Variants in PCDHA7 observed in about 807,000 individuals in gnomAD.
The protein encoded by PCDHA7 is protocadherin alpha 7, also known as protocadherin alpha-7.
PCDHA7 carries 37 observed loss-of-function variants against 57.2 expected under a neutral mutation model. The ratio of observed to expected loss-of-function variants is 0.65; its 90% CI spans 0.50 to 0.85. The LOEUF is 0.85. PCDHA7 is among the 40% of genes least tolerant of loss of function. The pLI is 0.00. For missense variants in PCDHA7, 1,188 were observed against 1,241.8 expected, an observed-to-expected ratio of 0.96 and a Z score of 0.65; for synonymous variants, 553 against 558.8, an observed-to-expected ratio of 0.99 and a Z score of 0.15.
At chr5:140,883,504 C>G in intron 1 of PCDHA7, 1 of 1,614,172 alleles carries the variant, frequency 6.2e-7, no homozygotes, top group East Asian at 2.2e-5. Context: ...TGGACAGCGC[C>G]CTGGACCGCG....
chr5:140,870,836 A>G (rs375475405), intron 1 of PCDHA7: 3 of 1,613,796 alleles, frequency 1.9e-6, no homozygotes, highest in Non-Finnish European at 2.5e-6. Flanking sequence ...GCAGTTAACA[A>G]GCTAGTACCG....
rs183711966 is a variant in PCDHA7 at position 140,861,816 on chromosome 5, C to G, written c.2355+25078C>G. 643 of 159,770 alleles carry G rather than the reference C, an allele frequency of 4.0e-3. 2 individuals carry two copies. The highest frequency in any genetic ancestry group is 5.6e-3 in the Non-Finnish European group (413 of 73,346). 9.9% of individuals were successfully genotyped at this position (159,770 alleles called of 1,614,324 possible). A position where few individuals can be genotyped will look rare whatever the true frequency, so the allele number is the denominator to read the frequency against. On this transcript the variant is annotated intron_variant, in intron 1 of 3. Coordinates refer to ENST00000525929, the MANE Select transcript of PCDHA7 (RefSeq NM_018910.3). ...TGAAGGTGTATTTTAAAAATTCTTT[C>G]AGATAGGTAAGTCACTTCAGAGCTA...
rs184537292 is a variant in PCDHA7, at chr5:140,970,210, C to T, written c.2356-8739C>T. Among the ~76,000 whole-genome samples, 8 of 152,308 alleles carry T rather than the reference C, an allele frequency of 5.3e-5. No homozygotes were observed. The East Asian group carries it at 1.5e-3, about 29-fold the overall frequency. On this transcript the variant is annotated intron_variant, in intron 1 of 3. Transcript: ENST00000525929. Reference sequence around the variant, plus strand: ...TGTAAGAGGATTTCCCTGAATTTAGCTTAAATGCAGCCTGTAATCTTCTGA... The same window carrying T: ...TGTAAGAGGATTTCCCTGAATTTAGTTTAAATGCAGCCTGTAATCTTCTGA...
intron 1 of PCDHA7, chr5:140,848,253 T>C (rs1021743216): frequency 2.3e-5 from 11 of 469,010 alleles, no homozygotes; most frequent in African/African-American, 2.1e-4. Flanking sequence ...AGAATAACTG[T>C]GAAATTTTTA....
intron 1 of PCDHA7, among the ~76,000 whole-genome samples, chr5:140,855,007 T>C (rs1224641648): frequency 6.7e-6 from 1 of 149,970 alleles, no homozygotes; most frequent in Non-Finnish European, 1.5e-5. Context: ...TAAGATATTA[T>C]AAAATGAAAC....
intron 1 of PCDHA7, among the ~76,000 whole-genome samples, chr5:140,955,906 G>T (rs1044355938): frequency 2.0e-5 from 3 of 152,040 alleles, no homozygotes; most frequent in East Asian, 3.9e-4. Flanking sequence ...TCTCTTTGTA[G>T]CAATTGTGAA....
At chr5:140,909,169 A>G (rs545864609) in intron 1 of PCDHA7, among the ~76,000 whole-genome samples, 1 of 152,356 alleles carries the variant, frequency 6.6e-6, no homozygotes, top group African/African-American at 2.4e-5. Context: ...AAATCAATCA[A>G]GTTCTCTCCA....
At chr5:140,977,619 C>T (rs1289978944) in intron 1 of PCDHA7, among the ~76,000 whole-genome samples, 1 of 152,240 alleles carries the variant, frequency 6.6e-6, no homozygotes, top group African/African-American at 2.4e-5. Context: ...TAAAGTATCC[C>T]AGAGTTGTAA....
chr5:140,889,205 A>G (rs573455914), intron 1 of PCDHA7, among the ~76,000 whole-genome samples: 1 of 151,946 alleles, frequency 6.6e-6, no homozygotes, highest in East Asian at 2.0e-4. Context: ...TGAATACTTA[A>G]CAAAGAAGAA....
chr5:140,867,947 C>T (rs1197822100), intron 1 of PCDHA7: 3 of 152,114 alleles, frequency 2.0e-5, no homozygotes, highest in East Asian at 1.9e-4. Context: ...TGAACTTCTG[C>T]TCCCAAACCC....
Position 140,920,248 on chromosome 5 carries a change from C to T in PCDHA7, c.2356-58701C>T, listed in dbSNP as rs77829363. 2.9e-3 allele frequency among the ~76,000 whole-genome samples: 443 copies of T among 152,218 alleles called. 1 individual carries two copies. The highest frequency in any genetic ancestry group is 0.01 in the African/African-American group (423 of 41,510). Reference sequence around the variant, plus strand: ...TAGTATTATATACCCAACAATACATCGCTATAATAATTATTACTTTATGTA... The same window carrying T: ...TAGTATTATATACCCAACAATACATTGCTATAATAATTATTACTTTATGTA... On this transcript the variant is annotated intron_variant, in intron 1 of 3. Coordinates refer to ENST00000525929, the MANE Select transcript of PCDHA7 (RefSeq NM_018910.3).
At chr5:140,842,942 G>A in intron 1 of PCDHA7, 1 of 1,594,648 alleles carries the variant, frequency 6.3e-7, no homozygotes, top group Non-Finnish European at 8.6e-7. Flanking sequence ...GCGCGACGCG[G>A]GCGTGCCGCC....
intron 1 of PCDHA7, among the ~76,000 whole-genome samples, chr5:140,897,650 C>T (rs1293190913): frequency 3.3e-5 from 5 of 152,036 alleles, no homozygotes; most frequent in Non-Finnish European, 7.4e-5. Context: ...AATAAACATA[C>T]GTGTGCATGT....
intron 1 of PCDHA7, among the ~76,000 whole-genome samples, chr5:140,936,259 T>A (rs1327533719): frequency 6.6e-6 from 1 of 152,228 alleles, no homozygotes; most frequent in African/African-American, 2.4e-5. Context: ...CTTCAAGTCA[T>A]GAAGATATAT....
At chr5:140,967,591 G>A (rs1554229706) in intron 1 of PCDHA7, 1 of 1,614,154 alleles carries the variant, frequency 6.2e-7, no homozygotes, top group East Asian at 2.2e-5. Flanking sequence ...CAGGCACATT[G>A]GTGGTGAAGC....
chr5:140,869,086 A>G (rs1554162467), intron 1 of PCDHA7: 1 of 1,584,176 alleles, frequency 6.3e-7, no homozygotes, highest in African/African-American at 1.4e-5. Context: ...CTTATTTTGG[A>G]AGCCAATTTC....
intron 1 of PCDHA7, chr5:140,870,111 G>A (rs112749867): frequency 6.8e-6 from 11 of 1,613,880 alleles, no homozygotes; most frequent in Non-Finnish European, 9.3e-6. Flanking sequence ...GTACAGTCTG[G>A]GTGGAAATCT....
intron 1 of PCDHA7, among the ~76,000 whole-genome samples, chr5:140,965,466 A>C (rs1364686627): frequency 2.6e-5 from 4 of 152,002 alleles, no homozygotes; most frequent in Non-Finnish European, 4.4e-5. Flanking sequence ...GATAAATCCC[A>C]GACTCCCACA....
chr5:140,899,402 G>A lies in PCDHA7; in HGVS notation c.2355+62664G>A, dbSNP rs1465071147. On this transcript the variant is annotated intron_variant, in intron 1 of 3. Transcript: ENST00000525929. ...TTTATTGAGAGTTTTTAGCATGAAG[G>A]GTTGTTGAATTTTGTCAAAGGTCTT... Among the ~76,000 whole-genome samples, 5 of 152,122 alleles carry A rather than the reference G, an allele frequency of 3.3e-5. No individual in the cohort carries two copies. The East Asian group carries it at 7.7e-4, about 24-fold the overall frequency.
Sources: allele counts gnomAD v4.1 joint callset (sites outside exome capture counted in the v4.1 genomes callset), GRCh38; gene constraint gnomAD v4.1.1; transcripts MANE v1.5; gene names NCBI Gene and HGNC (gene_info 2026-07-23, HGNC 2026-07-21).